NFIA: variants seen among roughly 807,000 people sequenced by gnomAD.
The protein encoded by NFIA is nuclear factor I A.
In NFIA, 8 loss-of-function variants were observed where a neutral mutation model predicts 62.8. The observed-to-expected ratio is 0.13, with a 90% CI of 0.07 to 0.23. The LOEUF is 0.23. NFIA is among the 10% of genes least tolerant of loss of function. The pLI, the probability that NFIA is intolerant of heterozygous loss-of-function variation, is 1.00. For synonymous variants in NFIA, 235 were observed against 238.1 expected, an observed-to-expected ratio of 0.99 and a Z score of 0.12; for missense variants, 410 against 642.1, an observed-to-expected ratio of 0.64 and a Z score of 3.91.
intron 3 of NFIA, among the ~76,000 whole-genome samples, chr1:61,296,016 G>A (rs1246691568): frequency 2.0e-5 from 3 of 152,182 alleles, no homozygotes; most frequent in Non-Finnish European, 4.4e-5. Context: ...GCACACCAGT[G>A]CACCCCCATG....
intron 2 of NFIA, among the ~76,000 whole-genome samples, chr1:61,170,352 C>T (rs999726629): frequency 2.0e-5 from 3 of 152,172 alleles, no homozygotes; most frequent in Non-Finnish European, 2.9e-5. Context: ...TTCCTTTTAC[C>T]TCGATGGGGG....
intron 3 of NFIA, among the ~76,000 whole-genome samples, chr1:61,321,223 C>A (rs1424007046): frequency 1.3e-5 from 2 of 151,722 alleles, no homozygotes; most frequent in African/African-American, 4.9e-5. Context: ...TAAAATGGTG[C>A]TAAAGTAAGT....
intron 2 of NFIA, among the ~76,000 whole-genome samples, chr1:61,158,979 T>C (rs1317266768): frequency 6.6e-6 from 1 of 152,146 alleles, no homozygotes; most frequent in Non-Finnish European, 1.5e-5. Context: ...CACCCTGGAG[T>C]AGTTGCATTG....
intron 2 of NFIA, among the ~76,000 whole-genome samples, chr1:61,148,181 C>T (rs1007802096): frequency 3.9e-5 from 6 of 152,112 alleles, no homozygotes; most frequent in African/African-American, 1.4e-4. Context: ...TACTCATTAG[C>T]ATTTGCAACA....
intron 10 of NFIA, among the ~76,000 whole-genome samples, chr1:61,445,537 G>A (rs1480705964): frequency 6.6e-6 from 1 of 152,040 alleles, no homozygotes; most frequent in Non-Finnish European, 1.5e-5. Flanking sequence ...TGCAAGTCAC[G>A]TCTTAACAAA....
chr1:61,310,179 G>A (rs948826732), intron 3 of NFIA, among the ~76,000 whole-genome samples: 1 of 151,854 alleles, frequency 6.6e-6, no homozygotes, highest in Non-Finnish European at 1.5e-5. Flanking sequence ...TTAGTGTGCT[G>A]GGCCGATGGC....
chr1:61,082,328 C>A, upstream of NFIA: 1 of 264,614 alleles, frequency 3.8e-6, no homozygotes, highest in Non-Finnish European at 5.9e-6. Context: ...GCTCGGGACC[C>A]GGCTGGCCGC....
chr1:61,305,561 T>C (rs1165697810), intron 3 of NFIA, among the ~76,000 whole-genome samples: 3 of 152,178 alleles, frequency 2.0e-5, no homozygotes, highest in African/African-American at 7.2e-5. Context: ...TGCAGTCCTG[T>C]TAGGCAGATA....
intron 9 of NFIA, among the ~76,000 whole-genome samples, chr1:61,416,936 C>T (rs895752030): frequency 1.1e-4 from 17 of 151,926 alleles, no homozygotes; most frequent in African/African-American, 4.1e-4. Context: ...TACATTACGT[C>T]AAGAATAACA....
At chr1:61,212,215 A>G (rs1288176936) in intron 2 of NFIA, among the ~76,000 whole-genome samples, 1 of 152,188 alleles carries the variant, frequency 6.6e-6, no homozygotes, top group African/African-American at 2.4e-5. Flanking sequence ...TCAAAGACAG[A>G]TTCCATCTGT....
intron 10 of NFIA, among the ~76,000 whole-genome samples, chr1:61,441,420 T>C (rs983535456): frequency 6.6e-6 from 1 of 151,940 alleles, no homozygotes. Flanking sequence ...TCTTCTGATC[T>C]TCACAGTGCA....
intron 2 of NFIA, among the ~76,000 whole-genome samples, chr1:61,204,094 G>C (rs1652726533): frequency 6.6e-6 from 1 of 152,228 alleles, no homozygotes; most frequent in South Asian, 2.1e-4. Context: ...CTGCCTAGCA[G>C]TTTATGAAAT....
At chr1:61,141,623 A>G (rs1647541079) in intron 2 of NFIA, among the ~76,000 whole-genome samples, 2 of 152,198 alleles carry the variant, frequency 1.3e-5, no homozygotes, top group Non-Finnish European at 1.5e-5. Flanking sequence ...AAAATTTTAT[A>G]TCCTTTCTGA....
At chr1:61,445,544 C>A (rs908954106) in intron 10 of NFIA, among the ~76,000 whole-genome samples, 12 of 152,138 alleles carry the variant, frequency 7.9e-5, no homozygotes, top group African/African-American at 2.9e-4. Flanking sequence ...CACGTCTTAA[C>A]AAAGACAAGT....
intron 1 of NFIA, among the ~76,000 whole-genome samples, chr1:61,084,707 A>G (rs1310782625): frequency 6.6e-6 from 1 of 152,178 alleles, no homozygotes; most frequent in Non-Finnish European, 1.5e-5. Context: ...GTGTCTTCTC[A>G]ATTGAGCTCT....
intron 2 of NFIA, among the ~76,000 whole-genome samples, chr1:61,107,366 C>T (rs535740156): frequency 4.2e-4 from 63 of 151,520 alleles, no homozygotes; most frequent in Non-Finnish European, 7.5e-4. Context: ...TTCTTTTTGC[C>T]AATCTTGAGG....
At chr1:61,173,109 C>G (rs963441321) in intron 2 of NFIA, among the ~76,000 whole-genome samples, 1 of 152,188 alleles carries the variant, frequency 6.6e-6, no homozygotes, top group Admixed American at 6.5e-5. Flanking sequence ...CTGGAGCCCC[C>G]TAGATTTTAC....
At chr1:61,124,732 T>A (rs1646940514) in intron 2 of NFIA, 1 of 152,182 alleles carries the variant, frequency 6.6e-6, no homozygotes, top group African/African-American at 2.4e-5. Flanking sequence ...AGCAGTGCAA[T>A]TTTTTTCTTT....
At chr1:61,449,433 G>A (rs970492338) in intron 10 of NFIA, among the ~76,000 whole-genome samples, 95 of 152,192 alleles carry the variant, frequency 6.2e-4, no homozygotes, top group African/African-American at 2.2e-3. Context: ...GATGAAAACA[G>A]GTAATTAAAG....
Sources: allele counts gnomAD v4.1 joint callset (sites outside exome capture counted in the v4.1 genomes callset), GRCh38; gene constraint gnomAD v4.1.1; transcripts MANE v1.5; gene names NCBI Gene and HGNC (gene_info 2026-07-23, HGNC 2026-07-21).